Variants in PLOD2 observed in about 807,000 individuals in gnomAD.
PLOD2 encodes procollagen-lysine,2-oxoglutarate 5-dioxygenase 2.
A neutral mutation model predicts 101.0 loss-of-function variants in PLOD2; 65 were observed. The ratio of observed to expected loss-of-function variants is 0.64; its 90% confidence interval spans 0.53 to 0.79. The LOEUF (loss-of-function observed/expected upper bound fraction) is 0.79, where lower values mean the gene tolerates loss of function less well. Among genes scored for constraint, PLOD2 ranks in the 30% least tolerant of loss-of-function variants. PLOD2 has a pLI of 0.00. For synonymous variants in PLOD2, 314 were observed against 302.9 expected (o/e 1.04, Z -0.38); for missense variants, 909 against 914.6 (o/e 0.99, Z 0.08).
At chr3:146,138,091 G>A (rs1275805758) in intron 1 of PLOD2, among the ~76,000 whole-genome samples, 1 of 152,156 alleles carries the variant, frequency 6.6e-6, no homozygotes, top group Non-Finnish European at 1.5e-5. Context: ...ACAGCTGGAA[G>A]CCAAGATGGA....
intron 1 of PLOD2, among the ~76,000 whole-genome samples, chr3:146,151,052 T>C (rs1204691492): frequency 2.0e-5 from 3 of 152,234 alleles, no homozygotes; most frequent in Admixed American, 6.5e-5. Flanking sequence ...CAGATCTTGA[T>C]ACAACAACCA....
chr3:146,141,865 G>A (rs1393680251), intron 1 of PLOD2, among the ~76,000 whole-genome samples: 1 of 152,090 alleles, frequency 6.6e-6, no homozygotes, highest in African/African-American at 2.4e-5. Context: ...CGAAGAGGAT[G>A]AAAGGTTTTA....
chr3:146,134,081 A>T (rs2031085635), intron 1 of PLOD2, among the ~76,000 whole-genome samples: 1 of 152,142 alleles, frequency 6.6e-6, no homozygotes, highest in South Asian at 2.1e-4. Context: ...AAGAAGAAAG[A>T]TTCACTATCT....
intron 7 of PLOD2, among the ~76,000 whole-genome samples, chr3:146,093,249 C>T (rs1381423948): frequency 1.3e-5 from 2 of 152,264 alleles, no homozygotes; most frequent in Middle Eastern, 3.4e-3. Context: ...ATGGGAAAAA[C>T]TTTGTGTTGT....
At chr3:146,152,760 T>A (rs2032118698) in intron 1 of PLOD2, among the ~76,000 whole-genome samples, 1 of 152,198 alleles carries the variant, frequency 6.6e-6, no homozygotes, top group African/African-American at 2.4e-5. Context: ...TATACATTAT[T>A]TTCCCTGCAA....
At chr3:146,090,401 C>A (rs993620129) in intron 8 of PLOD2, among the ~76,000 whole-genome samples, 4 of 151,560 alleles carry the variant, frequency 2.6e-5, no homozygotes, top group Non-Finnish European at 5.9e-5. Flanking sequence ...TATTAAATTA[C>A]ATACTCCTAC....
intron 1 of PLOD2, among the ~76,000 whole-genome samples, chr3:146,158,670 TG>T (rs140056444): frequency 0.14 from 20,517 of 149,724 alleles, 1,430 homozygotes; most frequent in East Asian, 0.21. Flanking sequence ...AGGCCTTTTT[TG>T]TTTTTTTGGT....
intron 3 of PLOD2, among the ~76,000 whole-genome samples, chr3:146,119,424 T>C (rs1441108727): frequency 6.7e-6 from 1 of 148,490 alleles, no homozygotes; most frequent in East Asian, 2.0e-4. Flanking sequence ...GTTTTATAAC[T>C]AGTAATATCT....
intron 2 of PLOD2, among the ~76,000 whole-genome samples, chr3:146,123,548 T>C (rs1231529045): frequency 6.6e-6 from 1 of 151,866 alleles, no homozygotes. Context: ...CAAAAGCAAT[T>C]CTCAATAATA....
At position 146,121,175 on chromosome 3, in the gene PLOD2, A is replaced by C. The variant is rs2108091468; in HGVS notation, c.275T>G (p.Leu92Ter). The C allele has an allele frequency of 6.2e-7, 1 of 1,603,194 alleles. No individual in the cohort carries two copies. Among genetic ancestry groups the C allele is most frequent in the Non-Finnish European group, 8.5e-7 (1 of 1,170,262 alleles). The change falls in exon 3 of 20, where the codon TTA becomes TGA. Residue 92 changes from leucine (L) to a stop codon, truncating the protein, a stop_gained. Coordinates refer to ENST00000282903, the MANE Select transcript of PLOD2 (RefSeq NM_182943.3). LOFTEE classifies it high-confidence loss of function. ...NSIGGGQKVR[L>*]MKEVMEHYAD... ...ATAGTGTTCCATGACTTCTTTCATTAATCTCACTTTCTGGCCCCCTCCAAT... is the reference window on the plus strand; with the variant it reads ...ATAGTGTTCCATGACTTCTTTCATTCATCTCACTTTCTGGCCCCCTCCAAT...
chr3:146,077,100 A>G, intron 14 of PLOD2: 1 of 1,239,382 alleles, frequency 8.1e-7, no homozygotes, highest in Non-Finnish European at 1.0e-6. Flanking sequence ...CAAAACTAGT[A>G]GATAGCACTG....
intron 3 of PLOD2, among the ~76,000 whole-genome samples, chr3:146,115,244 C>T (rs895875900): frequency 6.6e-6 from 1 of 151,894 alleles, no homozygotes; most frequent in Non-Finnish European, 1.5e-5. Context: ...GAAATTGAGT[C>T]GATCTACATG....
chr3:146,157,757 C>CAA (rs1261154661), intron 1 of PLOD2, among the ~76,000 whole-genome samples: 1 of 152,172 alleles, frequency 6.6e-6, no homozygotes, highest in Non-Finnish European at 1.5e-5. Context: ...AAGGCACAGT[C>CAA]TGTTTATGGA....
Position 146,089,013 on chromosome 3 carries a change from T to G in PLOD2, c.880-302A>C, listed in dbSNP as rs141559084. On this transcript the variant is annotated intron_variant, in intron 8 of 19. Transcript: ENST00000282903. ...GCCTACACTACTAGTCAGTGCTTCCTTTAAAATAGCCCTTGCAGAAACTTC... is the reference window on the plus strand; with the variant it reads ...GCCTACACTACTAGTCAGTGCTTCCGTTAAAATAGCCCTTGCAGAAACTTC... Among the ~76,000 whole-genome samples the G allele has an allele frequency of 7.9e-3, 1,196 of 151,716 alleles. 17 individuals carry two copies. Among genetic ancestry groups the G allele is most frequent in the African/African-American group, 0.028 (1,142 of 41,498 alleles).
Position 146,071,066 on chromosome 3 carries a change from A to C in PLOD2, c.2097T>G (p.Leu699=), listed in dbSNP as rs777024402. 7 of 1,608,248 alleles carry C rather than the reference A, an allele frequency of 4.4e-6. No homozygotes were observed. In the South Asian group the frequency reaches 7.7e-5, roughly 18 times the overall value. Residue 699 remains leucine, a synonymous_variant, in exon 19 of 20, where the codon CTT becomes CTG. Coordinates refer to ENST00000282903, the MANE Select transcript of PLOD2 (RefSeq NM_182943.3). ...CCTGAAAGTCTTCTCCCACGTTATT[A>C]AGTGCAATGTTTATGGTAAATGTAG... ...DASTFTINIA[L]NNVGEDFQGG...
intron 15 of PLOD2, chr3:146,075,996 GTA>G (rs1936319301): frequency 6.6e-6 from 1 of 151,758 alleles, no homozygotes; most frequent in African/African-American, 2.4e-5. Flanking sequence ...TGTTACAAGT[GTA>G]TAATGCATGA....
intron 1 of PLOD2, among the ~76,000 whole-genome samples, chr3:146,160,420 G>A (rs2032516302): frequency 6.6e-6 from 1 of 152,160 alleles, no homozygotes; most frequent in African/African-American, 2.4e-5. Flanking sequence ...CAAGAGGGAG[G>A]TGTTACCGGC....
intron 10 of PLOD2, chr3:146,085,519 C>A (rs760305766): frequency 1.3e-5 from 7 of 522,018 alleles, no homozygotes; most frequent in South Asian, 5.9e-5. Flanking sequence ...TATTTTCAAG[C>A]CAGTAAATAT....
intron 1 of PLOD2, among the ~76,000 whole-genome samples, chr3:146,155,751 AGTTCT>A (rs1330444462): frequency 6.6e-6 from 1 of 151,630 alleles, no homozygotes; most frequent in East Asian, 1.9e-4. Context: ...AAAGAAAATT[AGTTCT>A]GTTCAGTTCA....
Sources: allele counts gnomAD v4.1 joint callset (sites outside exome capture counted in the v4.1 genomes callset), GRCh38; gene constraint gnomAD v4.1.1; transcripts MANE v1.5; gene names NCBI Gene and HGNC (gene_info 2026-07-23, HGNC 2026-07-21).